The following MACROH2A1 variants were observed in gnomAD, a reference collection of about 807,000 sequenced individuals.
MACROH2A1 encodes the protein macroH2A.1 histone, also known as core histone macro-H2A.1.
MACROH2A1 carries 2 observed loss-of-function variants against 31.6 expected under a neutral mutation model. The ratio of observed to expected loss-of-function variants is 0.06; its 90% CI spans 0.03 to 0.20. The LOEUF (loss-of-function observed/expected upper bound fraction) is 0.20, where lower values mean the gene tolerates loss of function less well. Among genes scored for constraint, MACROH2A1 ranks in the 10% least tolerant of loss-of-function variants. The probability of loss-of-function intolerance (pLI) is 1.00; values close to 1 mark genes in which losing one functional copy is unlikely to be tolerated. For synonymous variants in MACROH2A1, 169 were observed against 189.6 expected, an observed-to-expected ratio of 0.89 and a Z score of 0.89; for missense variants, 230 against 474.0, an observed-to-expected ratio of 0.49 and a Z score of 4.78.
chr5:135,343,026 G>A, intron 8 of MACROH2A1: 1 of 927,808 alleles, frequency 1.1e-6, no homozygotes, highest in South Asian at 1.7e-5. Context: ...TTCCCCTTCT[G>A]TGATGACATT....
At chr5:135,389,158 G>A in intron 1 of MACROH2A1, 32 bp from the exon 2 acceptor site, 1 of 1,527,902 alleles carries the variant, frequency 6.5e-7, no homozygotes, top group Non-Finnish European at 8.9e-7. Flanking sequence ...CGGTCAGGGT[G>A]GCTGGGGACA....
At chr5:135,351,970 G>A (rs1761640091) in intron 6 of MACROH2A1, among the ~76,000 whole-genome samples, 1 of 151,584 alleles carries the variant, frequency 6.6e-6, no homozygotes, top group Non-Finnish European at 1.5e-5. Flanking sequence ...ACAAGTTCAA[G>A]CTGGACACTC....
intron 5 of MACROH2A1, chr5:135,355,732 G>A (rs1388459019): frequency 5.6e-6 from 1 of 177,786 alleles, no homozygotes; most frequent in East Asian, 1.5e-4. Flanking sequence ...CCACTATACA[G>A]AAGAAAGCCC....
intron 4 of MACROH2A1, among the ~76,000 whole-genome samples, chr5:135,363,601 C>T (rs1313291030): frequency 6.6e-6 from 1 of 152,100 alleles, no homozygotes; most frequent in Non-Finnish European, 1.5e-5. Flanking sequence ...GGGTTGGTTC[C>T]GAGTCTGCTA....
At chr5:135,378,627 A>T (rs568549594) in intron 2 of MACROH2A1, among the ~76,000 whole-genome samples, 53 of 152,210 alleles carry the variant, frequency 3.5e-4, no homozygotes, top group Non-Finnish European at 6.2e-4. Flanking sequence ...TCTGGGGTCC[A>T]ATTCCTCTGA....
intron 2 of MACROH2A1, among the ~76,000 whole-genome samples, chr5:135,383,333 C>T (rs142401678): frequency 5.3e-5 from 8 of 152,298 alleles, no homozygotes; most frequent in East Asian, 3.9e-4. Context: ...TCATCAATAG[C>T]GTATGTTAAT....
At chr5:135,352,833 A>G in intron 6 of MACROH2A1, 113 bp downstream of exon 6, 1 of 698,586 alleles carries the variant, frequency 1.4e-6, no homozygotes, top group Non-Finnish European at 2.6e-6. Flanking sequence ...TCAATCTTGG[A>G]TTTGGAAATT....
intron 4 of MACROH2A1, among the ~76,000 whole-genome samples, chr5:135,363,483 C>A (rs1763107619): frequency 6.6e-6 from 1 of 152,224 alleles, no homozygotes; most frequent in Non-Finnish European, 1.5e-5. Flanking sequence ...GAAATCATGT[C>A]TCTTCCTAAT....
At chr5:135,359,650 C>T (rs768699429) in intron 5 of MACROH2A1, 146 of 985,094 alleles carry the variant, frequency 1.5e-4, no homozygotes, top group Non-Finnish European at 1.7e-4. Flanking sequence ...AAGAAATTGA[C>T]AGTGAGGGTT....
intron 4 of MACROH2A1, among the ~76,000 whole-genome samples, chr5:135,368,124 C>T (rs533087051): frequency 1.3e-5 from 2 of 152,276 alleles, no homozygotes; most frequent in South Asian, 4.2e-4. Flanking sequence ...GGCATGTTGG[C>T]AAGAGGAATT....
At chr5:135,338,734 T>C (rs1226538494) in intron 8 of MACROH2A1, among the ~76,000 whole-genome samples, 1 of 152,060 alleles carries the variant, frequency 6.6e-6, no homozygotes, top group Non-Finnish European at 1.5e-5. Flanking sequence ...TGAATAGCCA[T>C]TCCTGCCTGG....
At chr5:135,348,125 T>C (rs1240507327) in intron 6 of MACROH2A1, among the ~76,000 whole-genome samples, 1 of 152,218 alleles carries the variant, frequency 6.6e-6, no homozygotes, top group Non-Finnish European at 1.5e-5. Context: ...GAACCCTAGA[T>C]TGCAGGCAAT....
intron 4 of MACROH2A1, among the ~76,000 whole-genome samples, chr5:135,366,277 A>G (rs914094941): frequency 1.3e-5 from 2 of 152,206 alleles, no homozygotes; most frequent in African/African-American, 4.8e-5. Context: ...TATATATCAC[A>G]TAAGTGACCA....
intron 4 of MACROH2A1, among the ~76,000 whole-genome samples, chr5:135,365,411 T>A (rs546958282): frequency 1.2e-4 from 19 of 152,264 alleles, no homozygotes; most frequent in African/African-American, 4.3e-4. Flanking sequence ...TCCAGTATCA[T>A]GAGAGTAACC....
chr5:135,390,714 A>G (rs1456462431), intron 1 of MACROH2A1, among the ~76,000 whole-genome samples: 3 of 152,172 alleles, frequency 2.0e-5, no homozygotes, highest in Non-Finnish European at 2.9e-5. Context: ...ACTGGAGGCC[A>G]CAGGGATAGG....
At position 135,384,571 on chromosome 5, in the gene MACROH2A1, G is replaced by C. The variant is rs577465582; in HGVS notation, c.172+4351C>G. ...AAGTACCAACAGGCAGCTTCAAATT[G>C]GGACATCTGCTATCAGAGGATGCTG... On this transcript the variant is annotated intron_variant, in intron 2 of 8. Coordinates refer to ENST00000511689, the MANE Select transcript of MACROH2A1 (RefSeq NM_138610.3). 6.0e-4 allele frequency among the ~76,000 whole-genome samples: 92 copies of C among 152,280 alleles called. No homozygotes were observed. The South Asian group carries it at 0.018, about 30-fold the overall frequency.
rs182908638 is a variant in MACROH2A1, at chr5:135,381,233, A to G, written c.172+7689T>C. 5.9e-5 allele frequency among the ~76,000 whole-genome samples: 9 copies of G among 152,354 alleles called. No homozygotes were observed. In the South Asian group the frequency reaches 6.2e-4, roughly 11 times the overall value. Reference sequence around the variant, plus strand: ...TCACATGGTAAATTCCAAATAGGTCAAAGTATAAATGTGAAAAAATATAAA... The same window carrying G: ...TCACATGGTAAATTCCAAATAGGTCGAAGTATAAATGTGAAAAAATATAAA... On this transcript the variant is annotated intron_variant, in intron 2 of 8. Coordinates refer to ENST00000511689, the MANE Select transcript of MACROH2A1 (RefSeq NM_138610.3).
intron 1 of MACROH2A1, 139 bp from the exon 2 acceptor site, chr5:135,389,265 A>C: frequency 2.0e-6 from 1 of 495,106 alleles, no homozygotes; most frequent in Non-Finnish European, 3.5e-6. Context: ...CTCCGGGTCC[A>C]GGTGATGCAC....
chr5:135,369,709 C>T lies in MACROH2A1; in HGVS notation c.280-106G>A. ...GTCTTGCTTTGGGTTGGTGCAGCTC[C>T]TTCCTCCATGGCATCCTCCATGAGG... On this transcript the variant is annotated intron_variant, in intron 3 of 8. Coordinates refer to ENST00000511689, the MANE Select transcript of MACROH2A1 (RefSeq NM_138610.3). The surrounding 1 kb of genome is among the most constrained non-coding windows in gnomAD (Gnocchi z 4.3). 1 of 840,212 alleles carries T rather than the reference C, an allele frequency of 1.2e-6. No homozygotes were observed. Among genetic ancestry groups the T allele is most frequent in the Non-Finnish European group, 1.9e-6 (1 of 518,048 alleles). The allele number at this position is 840,212 out of a possible 1,614,324, so 52.0% of individuals were successfully genotyped here.
Sources: allele counts gnomAD v4.1 joint callset (sites outside exome capture counted in the v4.1 genomes callset), GRCh38; gene constraint gnomAD v4.1.1; non-coding constraint Gnocchi (gnomAD v3.1); transcripts MANE v1.5; gene names NCBI Gene and HGNC (gene_info 2026-07-23, HGNC 2026-07-21).